ELN: variants seen among roughly 807,000 people sequenced by gnomAD.
ELN encodes the protein elastin.
ELN carries 65 observed loss-of-function variants against 105.8 expected under a neutral mutation model. That is an observed-to-expected ratio of 0.61 (90% CI 0.50 to 0.75). The LOEUF (loss-of-function observed/expected upper bound fraction) is 0.75. Among genes scored for constraint, ELN ranks in the 30% least tolerant of loss-of-function variants. The pLI is 0.00. For synonymous variants in ELN, 368 were observed against 389.2 expected (o/e 0.95, Z 0.64); for missense variants, 882 against 969.4 (o/e 0.91, Z 1.20).
chr7:74,054,023 C>T (rs1394598735), intron 18 of ELN, among the ~76,000 whole-genome samples: 6 of 150,410 alleles, frequency 4.0e-5, no homozygotes, highest in African/African-American at 1.2e-4. Flanking sequence ...GATGAATAGA[C>T]GGGTGGGTGG....
chr7:74,056,084 G>A (rs1795163102), intron 19 of ELN, among the ~76,000 whole-genome samples, 187 bp from the exon 20 acceptor site: 1 of 152,122 alleles, frequency 6.6e-6, no homozygotes, highest in African/African-American at 2.4e-5. Flanking sequence ...ACTGCACCCG[G>A]CCCCACATTT....
chr7:74,046,062 T>C (rs1238838663), intron 10 of ELN, 126 bp from the exon 11 acceptor site: 2 of 1,322,680 alleles, frequency 1.5e-6, no homozygotes, highest in Non-Finnish European at 2.2e-6. Flanking sequence ...AGAGTTCATG[T>C]GAGCGCAGCA....
intron 22 of ELN, chr7:74,059,533 A>T (rs1796111745): frequency 7.9e-6 from 3 of 380,094 alleles, no homozygotes; most frequent in African/African-American, 2.1e-5. Flanking sequence ...AATACAAAAA[A>T]ATTAGCCGGG....
In ELN at chr7:74,065,676, T is replaced by C. The variant is rs782759707; in HGVS notation, c.1994-18T>C. ...TGGCATTGGCATTCCTGAGCCGTCA[T>C]GTGCCTCATCTCCCCAGGTATACCT... On this transcript the variant is annotated intron_variant, in intron 29 of 32. Coordinates refer to ENST00000252034, the MANE Select transcript of ELN (RefSeq NM_000501.4). 13 of 1,611,560 alleles carry C rather than the reference T, an allele frequency of 8.1e-6. No individual in the cohort carries two copies. Among genetic ancestry groups the C allele is most frequent in the African/African-American group, 1.3e-5 (1 of 74,256 alleles).
At position 74,047,494 on chromosome 7, in the gene ELN, G is replaced by A. The variant is rs542017056; in HGVS notation, c.644-181G>A. Among the ~76,000 whole-genome samples, 7 of 152,300 alleles carry A rather than the reference G, an allele frequency of 4.6e-5. No homozygotes were observed. The South Asian group carries it at 8.3e-4, about 18-fold the overall frequency. On this transcript the variant is annotated intron_variant, in intron 12 of 32. Transcript: ENST00000252034. ...GGGGGATGGGTGTTCCATGGGCCTC[G>A]GGGGCAGAGGTGTCCTCTCCCTCCT...
At chr7:74,035,676 C>T in intron 2 of ELN, 1 of 555,260 alleles carries the variant, frequency 1.8e-6, no homozygotes, top group Non-Finnish European at 3.3e-6. Context: ...TTCAGACCAG[C>T]CTGGACAACA....
intron 20 of ELN, 105 bp downstream of exon 20, chr7:74,056,540 G>T: frequency 6.2e-7 from 1 of 1,601,596 alleles, no homozygotes; most frequent in Non-Finnish European, 8.5e-7. Flanking sequence ...GCTTGAATGT[G>T]CTCAGGGAGG....
chr7:74,057,629 C>T lies in ELN; in HGVS notation c.1358-11C>T. The T allele has an allele frequency of 6.2e-7, 1 of 1,614,102 alleles. No individual in the cohort carries two copies. The highest frequency in any genetic ancestry group is 8.5e-7 in the Non-Finnish European group (1 of 1,180,004). On this transcript the variant is annotated splice_polypyrimidine_tract_variant and intron_variant, in intron 21 of 32. Coordinates refer to ENST00000252034, the MANE Select transcript of ELN (RefSeq NM_000501.4). ...AGATTACTCTCTCACCCCTTCTCTT[C>T]ACACCTCCAGGAGTGGGGACCCCAG...
In ELN at chr7:74,064,414, C is replaced by CAAAA. The variant is rs782201893; in HGVS notation, c.1993+726_1993+729dup. Among the ~76,000 whole-genome samples the CAAAA allele has an allele frequency of 4.1e-3, 555 of 134,300 alleles. 1 individual carries two copies. Among genetic ancestry groups the CAAAA allele is most frequent in the Middle Eastern group, 0.012 (3 of 244 alleles). 88.1% of individuals were successfully genotyped at this position (134,300 alleles called of 152,430 possible). A position where few individuals can be genotyped will look rare whatever the true frequency, so the allele number is the denominator to read the frequency against. On this transcript the variant is annotated intron_variant, in intron 29 of 32. Transcript: ENST00000252034. ...TGGGCGACAGAGCGAGACTCCGTCTCAAAAAAAAAATATATATATATATAT... is the reference window on the plus strand; with the variant it reads ...TGGGCGACAGAGCGAGACTCCGTCTCAAAAAAAAAAAAAATATATATATATATAT...
chr7:74,051,777 G>C lies in ELN; in HGVS notation c.827G>C (p.Gly276Ala), dbSNP rs1794093776. ...FGAGAAGVLPGVGGAGVPGVP... is the reference protein window; with the variant it reads ...FGAGAAGVLPAVGGAGVPGVP... The stretch of plus-strand genomic sequence containing the variant: ...GCTGGAGCAGCCGGAGTCCTCCCTG[G>C]TGTTGGAGGGGCTGGTGTTCCTGGC... Residue 276 changes from glycine to alanine, a missense_variant, in exon 16 of 33, where the codon GGT (glycine) becomes GCT (alanine). By Grantham distance (60) the Gly-to-Ala change is moderately conservative. Coordinates refer to ENST00000252034, the MANE Select transcript of ELN (RefSeq NM_000501.4). 1 of 1,614,232 alleles carries C rather than the reference G, an allele frequency of 6.2e-7. No individual in the cohort carries two copies.
At chr7:74,062,854 A>T (rs782595258) in intron 26 of ELN, among the ~76,000 whole-genome samples, 9 of 152,126 alleles carry the variant, frequency 5.9e-5, no homozygotes, top group Non-Finnish European at 1.2e-4. Context: ...CCCGGCTTAC[A>T]AAAGAACTTT....
At chr7:74,046,136 G>A (rs1792449989) in intron 10 of ELN, 52 bp from the exon 11 acceptor site, 5 of 1,613,174 alleles carry the variant, frequency 3.1e-6, no homozygotes, top group Non-Finnish European at 2.5e-6. Context: ...GGTGCTGTCT[G>A]GCCCAGTGTC....
At chr7:74,044,178 C>G (rs1216008007) in intron 9 of ELN, among the ~76,000 whole-genome samples, 1 of 152,032 alleles carries the variant, frequency 6.6e-6, no homozygotes, top group Non-Finnish European at 1.5e-5. Context: ...AAGGTCCAGG[C>G]TGCAGTGAGC....
At chr7:74,054,195 C>G (rs1794754791) in intron 18 of ELN, among the ~76,000 whole-genome samples, 1 of 152,002 alleles carries the variant, frequency 6.6e-6, no homozygotes, top group Non-Finnish European at 1.5e-5. Context: ...CAGCCGGGAG[C>G]AGTGGCTCAC....
At position 74,054,239 on chromosome 7, in the gene ELN, G is replaced by A. The variant is rs545147333; in HGVS notation, c.1097-477G>A. ...TCTCAGCACTTTGGGAGGCCAAGGT[G>A]GGCGGATCACCTGAGGTGAGGAGTT... On this transcript the variant is annotated intron_variant, in intron 18 of 32. Transcript: ENST00000252034. Among the ~76,000 whole-genome samples, 65 of 152,180 alleles carry A rather than the reference G, an allele frequency of 4.3e-4. No homozygotes were observed. The East Asian group carries it at 0.01, about 24-fold the overall frequency.
chr7:74,059,146 C>T (rs1796035782), intron 22 of ELN, among the ~76,000 whole-genome samples: 1 of 151,962 alleles, frequency 6.6e-6, no homozygotes, highest in South Asian at 2.1e-4. Flanking sequence ...GCTGGGATGA[C>T]AGGCATGAGC....
intron 29 of ELN, among the ~76,000 whole-genome samples, chr7:74,065,114 T>G (rs1246121741): frequency 6.6e-6 from 1 of 151,708 alleles, no homozygotes; most frequent in Non-Finnish European, 1.5e-5. Context: ...TAGCTGGGCG[T>G]GGTGTGTGCC....
intron 2 of ELN, chr7:74,035,821 C>A: frequency 3.2e-6 from 1 of 308,326 alleles, no homozygotes; most frequent in Non-Finnish European, 6.3e-6. Context: ...CGCCTGTAGT[C>A]CTAGCTACTG....
At chr7:74,035,445 G>T (rs1789690414) in intron 2 of ELN, 31 bp downstream of exon 2, 5 of 1,613,442 alleles carry the variant, frequency 3.1e-6, no homozygotes, top group Non-Finnish European at 4.2e-6. Context: ...ACACACCCAG[G>T]TCATGCGGAT....
Sources: allele counts gnomAD v4.1 joint callset (sites outside exome capture counted in the v4.1 genomes callset), GRCh38; gene constraint gnomAD v4.1.1; transcripts MANE v1.5; gene names NCBI Gene and HGNC (gene_info 2026-07-23, HGNC 2026-07-21).